The following STK39 variants were observed in gnomAD, a reference collection of about 807,000 sequenced individuals.
STK39 encodes the protein serine/threonine kinase 39, also known as STE20/SPS1-related proline-alanine-rich protein kinase.
Under a neutral mutation model 77.8 loss-of-function variants are expected in STK39, and 20 were observed. That is an observed-to-expected ratio of 0.26 (90% confidence interval 0.18 to 0.37). The LOEUF (loss-of-function observed/expected upper bound fraction) is 0.37. STK39 is among the 10% of genes least tolerant of loss of function. STK39 has a pLI of 1.00. For missense variants in STK39, 479 were observed against 656.5 expected, an observed-to-expected ratio of 0.73 and a Z score of 2.95; for synonymous variants, 246 against 234.1, an observed-to-expected ratio of 1.05 and a Z score of -0.47.
rs553923093 is a variant in STK39, at chr2:168,009,881, A to G, written c.1498+2753T>C. On this transcript the variant is annotated intron_variant, in intron 16 of 17. Transcript: ENST00000355999. ...TGGTTATATATTGTATTTAAAATAC[A>G]CTCAATAAGTTGTACATGAAGTCTG... is the stretch of plus-strand genomic sequence containing the variant. Among the ~76,000 whole-genome samples, 20 of 152,362 alleles carry G rather than the reference A, an allele frequency of 1.3e-4. No individual in the cohort carries two copies. In the South Asian group the frequency reaches 1.4e-3, roughly 11 times the overall value.
intron 16 of STK39, among the ~76,000 whole-genome samples, chr2:167,992,210 C>T (rs1301176325): frequency 6.6e-6 from 1 of 152,092 alleles, no homozygotes; most frequent in Non-Finnish European, 1.5e-5. Context: ...GTTTTCAGAT[C>T]TTTGGATTTT....
chr2:168,186,606 G>A (rs1421815103), intron 1 of STK39, among the ~76,000 whole-genome samples: 2 of 152,120 alleles, frequency 1.3e-5, no homozygotes, highest in Non-Finnish European at 2.9e-5. Context: ...TGTGACTTTC[G>A]ACCTAACTGC....
intron 10 of STK39, among the ~76,000 whole-genome samples, chr2:168,087,746 A>T (rs1686406330): frequency 6.6e-6 from 1 of 152,224 alleles, no homozygotes; most frequent in Admixed American, 6.5e-5. Context: ...CAGCAGCCTC[A>T]CTATCGGTAT....
At chr2:168,198,875 T>C (rs189861838) in intron 1 of STK39, among the ~76,000 whole-genome samples, 10 of 152,404 alleles carry the variant, frequency 6.6e-5, no homozygotes, top group Admixed American at 6.5e-4. Context: ...TAGAACTGTA[T>C]CTATAACATA....
At chr2:168,052,917 A>C (rs1036636021) in intron 14 of STK39, among the ~76,000 whole-genome samples, 1 of 152,240 alleles carries the variant, frequency 6.6e-6, no homozygotes, top group African/African-American at 2.4e-5. Flanking sequence ...GCACCAACAC[A>C]GAGCGAGGAA....
intron 5 of STK39, among the ~76,000 whole-genome samples, chr2:168,147,668 C>T (rs1396817379): frequency 6.6e-6 from 1 of 150,796 alleles, no homozygotes; most frequent in Non-Finnish European, 1.5e-5. Context: ...TAGACATAAT[C>T]CTGGCCTTGC....
At chr2:168,171,269 G>A (rs913021890) in intron 2 of STK39, among the ~76,000 whole-genome samples, 1 of 152,134 alleles carries the variant, frequency 6.6e-6, no homozygotes, top group Admixed American at 6.5e-5. Flanking sequence ...TCTGCAGGGA[G>A]CCATGTGCAA....
chr2:168,208,594 A>G (rs1689801315), intron 1 of STK39, among the ~76,000 whole-genome samples: 1 of 152,144 alleles, frequency 6.6e-6, no homozygotes. Context: ...TCTAGTTCCA[A>G]TGTCTTCTCC....
At chr2:168,152,244 C>T (rs1423561281) in intron 5 of STK39, among the ~76,000 whole-genome samples, 1 of 152,192 alleles carries the variant, frequency 6.6e-6, no homozygotes, top group African/African-American at 2.4e-5. Flanking sequence ...CCTGGATCCC[C>T]AATGTGGGGT....
At chr2:168,219,385 A>G (rs1484970968) in intron 1 of STK39, among the ~76,000 whole-genome samples, 1 of 152,158 alleles carries the variant, frequency 6.6e-6, no homozygotes, top group Non-Finnish European at 1.5e-5. Context: ...CAGAATACAG[A>G]TAAGTCAGGC....
At chr2:168,242,534 G>A (rs1450266691) in intron 1 of STK39, among the ~76,000 whole-genome samples, 2 of 110,044 alleles carry the variant, frequency 1.8e-5, no homozygotes, top group African/African-American at 7.2e-5. Flanking sequence ...AGGCAACAGA[G>A]CAAGACTCTT....
At chr2:168,174,941 T>C (rs574942172) in intron 2 of STK39, among the ~76,000 whole-genome samples, 1 of 151,958 alleles carries the variant, frequency 6.6e-6, no homozygotes, top group Non-Finnish European at 1.5e-5. Context: ...CTTTTACCAC[T>C]GCTGCTGTAT....
intron 14 of STK39, among the ~76,000 whole-genome samples, chr2:168,043,647 C>A (rs1685166302): frequency 6.6e-6 from 1 of 152,204 alleles, no homozygotes; most frequent in Admixed American, 6.5e-5. Flanking sequence ...TTCTGACCAC[C>A]AACAAAGATG....
intron 10 of STK39, among the ~76,000 whole-genome samples, chr2:168,125,719 A>G (rs577816914): frequency 2.0e-5 from 3 of 151,974 alleles, no homozygotes; most frequent in Non-Finnish European, 4.4e-5. Context: ...CCACACACCC[A>G]AAAAAAATGT....
At chr2:168,234,073 T>C (rs1245627155) in intron 1 of STK39, among the ~76,000 whole-genome samples, 2 of 152,228 alleles carry the variant, frequency 1.3e-5, no homozygotes, top group Non-Finnish European at 1.5e-5. Context: ...AACAAAACAT[T>C]TTTTAAAAAT....
intron 16 of STK39, among the ~76,000 whole-genome samples, chr2:167,972,423 C>A (rs1002199118): frequency 1.3e-5 from 2 of 152,174 alleles, no homozygotes; most frequent in African/African-American, 2.4e-5. Flanking sequence ...GACAGCCCAG[C>A]AAACTGGTCA....
chr2:168,235,319 T>A (rs1053481163), intron 1 of STK39, among the ~76,000 whole-genome samples: 1 of 147,080 alleles, frequency 6.8e-6, no homozygotes, highest in Non-Finnish European at 1.5e-5. Context: ...ACTACAGGCG[T>A]CCCTGAGCCA....
At chr2:168,053,757 T>C (rs1321450068) in intron 14 of STK39, among the ~76,000 whole-genome samples, 5 of 152,222 alleles carry the variant, frequency 3.3e-5, no homozygotes, top group Non-Finnish European at 5.9e-5. Context: ...GGATTTTGTA[T>C]ATGCCAAAGG....
chr2:167,971,566 A>G (rs552719012), intron 16 of STK39, among the ~76,000 whole-genome samples: 1 of 152,354 alleles, frequency 6.6e-6, no homozygotes, highest in South Asian at 2.1e-4. Context: ...GAGTTCCTTC[A>G]TGCTTACACA....
Sources: gnomAD v4.1 joint callset for allele counts (sites outside exome capture counted in the v4.1 genomes callset) on GRCh38, gnomAD v4.1.1 for gene constraint, MANE v1.5 for transcripts, NCBI Gene and HGNC (gene_info 2026-07-23, HGNC 2026-07-21) for gene names.